Variants in CHST8 observed in about 807,000 individuals in gnomAD.
The protein encoded by CHST8 is GALNAC-4-ST1.
Under a neutral mutation model 15.0 loss-of-function variants are expected in CHST8, and 10 were observed. The ratio of observed to expected loss-of-function variants is 0.67; its 90% CI spans 0.41 to 1.13. The LOEUF is 1.13. CHST8 is among the 50% of genes most tolerant of loss of function. The pLI is 0.00. For synonymous variants in CHST8, 259 were observed against 256.6 expected (o/e 1.01, Z -0.09); for missense variants, 634 against 608.2 (o/e 1.04, Z -0.45).
At chr19:33,633,967 T>C (rs1230983723) in intron 1 of CHST8, among the ~76,000 whole-genome samples, 1 of 151,508 alleles carries the variant, frequency 6.6e-6, no homozygotes, top group African/African-American at 2.4e-5. Flanking sequence ...ACTCCCAGCT[T>C]TTTGTTTTGT....
intron 2 of CHST8, among the ~76,000 whole-genome samples, chr19:33,671,120 G>A (rs10418868): frequency 0.22 from 33,228 of 151,948 alleles, 3,883 homozygotes; most frequent in Admixed American, 0.27. Context: ...AACAAGCAGC[G>A]GGGGCCCAGC....
chr19:33,641,744 G>A (rs1459123890), intron 1 of CHST8, among the ~76,000 whole-genome samples: 4 of 151,720 alleles, frequency 2.6e-5, no homozygotes, highest in Non-Finnish European at 4.4e-5. Flanking sequence ...TGTCGGGGGC[G>A]GTGTGTGGGG....
chr19:33,696,884 A>G (rs561656312), intron 3 of CHST8, among the ~76,000 whole-genome samples: 1 of 147,608 alleles, frequency 6.8e-6, no homozygotes, highest in South Asian at 2.1e-4. Context: ...CTCGTTGCCC[A>G]GGCTAGAGTC....
intron 3 of CHST8, among the ~76,000 whole-genome samples, chr19:33,696,876 C>T (rs527734026): frequency 5.4e-5 from 8 of 148,902 alleles, no homozygotes; most frequent in Non-Finnish European, 1.0e-4. Flanking sequence ...GTTTTGCTCT[C>T]GTTGCCCAGG....
intron 3 of CHST8, among the ~76,000 whole-genome samples, chr19:33,740,962 C>CTAAA (rs1974175961): frequency 6.6e-6 from 1 of 152,210 alleles, no homozygotes; most frequent in South Asian, 2.1e-4. Flanking sequence ...GAACCTGGAG[C>CTAAA]TAAACCCTTA....
At chr19:33,698,809 G>C (rs1205484834) in intron 3 of CHST8, among the ~76,000 whole-genome samples, 1 of 152,134 alleles carries the variant, frequency 6.6e-6, no homozygotes. Flanking sequence ...TGAAGGACCA[G>C]GCAAGACAGG....
intron 3 of CHST8, among the ~76,000 whole-genome samples, chr19:33,757,726 T>C (rs1237069063): frequency 5.3e-5 from 8 of 151,878 alleles, no homozygotes. Context: ...TTGGTGTCTT[T>C]TTTTAAGAGA....
intron 3 of CHST8, among the ~76,000 whole-genome samples, chr19:33,716,431 A>C (rs1371332697): frequency 6.6e-6 from 1 of 152,188 alleles, no homozygotes; most frequent in Non-Finnish European, 1.5e-5. Context: ...CAGTGGCACG[A>C]TCACGACTCA....
chr19:33,631,434 C>A (rs1159147885), intron 1 of CHST8, among the ~76,000 whole-genome samples: 1 of 152,106 alleles, frequency 6.6e-6, no homozygotes, highest in Non-Finnish European at 1.5e-5. Flanking sequence ...TGGGGCTGGG[C>A]CTGTGCTGGT....
intron 3 of CHST8, among the ~76,000 whole-genome samples, chr19:33,756,367 G>A (rs899818274): frequency 3.3e-5 from 5 of 152,170 alleles, no homozygotes; most frequent in Non-Finnish European, 5.9e-5. Flanking sequence ...CTCCCAAACC[G>A]AGGTATGTGG....
Position 33,682,400 on chromosome 19 carries a change from C to G in CHST8, c.-86-6776C>G, listed in dbSNP as rs1339058257. Reference sequence around the variant, plus strand: ...ACGTTGGTCAGACTAGTCTCAAACTCCTGACCTCTAGTGATGCACCCAGTT... The same window carrying G: ...ACGTTGGTCAGACTAGTCTCAAACTGCTGACCTCTAGTGATGCACCCAGTT... On this transcript the variant is annotated intron_variant, in intron 2 of 4. Transcript: ENST00000650847. 1.2e-4 allele frequency among the ~76,000 whole-genome samples: 18 copies of G among 151,426 alleles called. No homozygotes were observed. The East Asian group carries it at 2.9e-3, about 24-fold the overall frequency.
chr19:33,626,389 G>A (rs970791257), intron 1 of CHST8, among the ~76,000 whole-genome samples: 1 of 151,726 alleles, frequency 6.6e-6, no homozygotes, highest in Non-Finnish European at 1.5e-5. Flanking sequence ...AAGCAGCCCT[G>A]GCCCCATTGC....
chr19:33,718,126 GTTAT>G (rs775857730), intron 3 of CHST8, among the ~76,000 whole-genome samples: 28 of 152,112 alleles, frequency 1.8e-4, no homozygotes, highest in Non-Finnish European at 3.5e-4. Context: ...GAGTCCATAG[GTTAT>G]TTGCAGTTTC....
At chr19:33,701,020 T>C (rs533673115) in intron 3 of CHST8, among the ~76,000 whole-genome samples, 1 of 152,090 alleles carries the variant, frequency 6.6e-6, no homozygotes, top group Non-Finnish European at 1.5e-5. Context: ...GTTTGATGCG[T>C]CTGGGCGGTG....
chr19:33,644,362 A>T (rs1170089561), intron 1 of CHST8, among the ~76,000 whole-genome samples: 1 of 152,166 alleles, frequency 6.6e-6, no homozygotes, highest in African/African-American at 2.4e-5. Context: ...ATACAGCAGG[A>T]CGTGAAGCAG....
intron 3 of CHST8, among the ~76,000 whole-genome samples, chr19:33,759,179 G>C (rs1055413352): frequency 1.3e-5 from 2 of 152,160 alleles, no homozygotes; most frequent in Non-Finnish European, 1.5e-5. Flanking sequence ...ATGAGATTTG[G>C]GCGGGGACGA....
chr19:33,741,468 T>G (rs533878716), intron 3 of CHST8, among the ~76,000 whole-genome samples: 1 of 152,346 alleles, frequency 6.6e-6, no homozygotes, highest in Admixed American at 6.5e-5. Context: ...GAAAACAACC[T>G]ATTTTTCAAA....
intron 2 of CHST8, among the ~76,000 whole-genome samples, chr19:33,688,066 G>A (rs980688009): frequency 6.6e-6 from 1 of 152,228 alleles, no homozygotes; most frequent in African/African-American, 2.4e-5. Flanking sequence ...TAGCCAGCAA[G>A]GCCCGCTGGA....
At chr19:33,631,106 G>A (rs972894275) in intron 1 of CHST8, among the ~76,000 whole-genome samples, 4 of 152,196 alleles carry the variant, frequency 2.6e-5, no homozygotes, top group South Asian at 4.1e-4. Flanking sequence ...GCAAAAAGCC[G>A]GCGCTGTCTA....
Sources: allele counts gnomAD v4.1 joint callset (sites outside exome capture counted in the v4.1 genomes callset), GRCh38; gene constraint gnomAD v4.1.1; transcripts MANE v1.5; gene names NCBI Gene and HGNC (gene_info 2026-07-23, HGNC 2026-07-21).